SEMA3A: variants seen among roughly 807,000 people sequenced by gnomAD.
SEMA3A encodes semaphorin 3A.
A neutral mutation model predicts 97.9 loss-of-function variants in SEMA3A; 29 were observed. The observed-to-expected ratio is 0.30, with a 90% CI of 0.22 to 0.40. SEMA3A has a LOEUF of 0.40. Among genes scored for constraint, SEMA3A ranks in the 10% least tolerant of loss-of-function variants. SEMA3A has a pLI of 1.00. For synonymous variants in SEMA3A, 321 were observed against 323.7 expected, an observed-to-expected ratio of 0.99 and a Z score of 0.09; for missense variants, 763 against 951.3, an observed-to-expected ratio of 0.80 and a Z score of 2.60.
At chr7:84,208,897 C>G (rs1378526254) in intron 3 of SEMA3A, among the ~76,000 whole-genome samples, 1 of 152,162 alleles carries the variant, frequency 6.6e-6, no homozygotes, top group Non-Finnish European at 1.5e-5. Context: ...ACACTATCAC[C>G]TGAGTCTCAT....
chr7:84,272,200 AAAAC>A (rs1401623098), intron 3 of SEMA3A, among the ~76,000 whole-genome samples: 15 of 152,240 alleles, frequency 9.9e-5, no homozygotes, highest in Admixed American at 7.9e-4. Context: ...AAAAGATTGA[AAAAC>A]AAAGAAAATT....
chr7:84,229,236 C>A (rs567378285), intron 3 of SEMA3A, among the ~76,000 whole-genome samples: 1 of 151,990 alleles, frequency 6.6e-6, no homozygotes, highest in East Asian at 1.9e-4. Flanking sequence ...GATAATAAAA[C>A]CAAATAATTC....
intron 2 of SEMA3A, among the ~76,000 whole-genome samples, chr7:84,353,599 A>G (rs944217958): frequency 2.6e-5 from 4 of 151,734 alleles, no homozygotes; most frequent in African/African-American, 9.7e-5. Context: ...TCAGATGGGT[A>G]AAGCATACTT....
intron 2 of SEMA3A, among the ~76,000 whole-genome samples, chr7:84,340,869 G>T (rs1802150486): frequency 6.6e-6 from 1 of 151,388 alleles, no homozygotes; most frequent in South Asian, 2.1e-4. Flanking sequence ...ATACTCTGAG[G>T]CATTTATTTA....
chr7:84,444,585 G>A (rs1017077878), intron 1 of SEMA3A, among the ~76,000 whole-genome samples: 6 of 143,706 alleles, frequency 4.2e-5, no homozygotes, highest in Admixed American at 2.1e-4. Context: ...TTTTTGAGAC[G>A]GAGTCTGGCT....
At chr7:84,427,792 T>A (rs1804868134) in intron 1 of SEMA3A, among the ~76,000 whole-genome samples, 1 of 151,894 alleles carries the variant, frequency 6.6e-6, no homozygotes, top group Non-Finnish European at 1.5e-5. Flanking sequence ...ATAAACCTGG[T>A]CATTTGTGCT....
At chr7:84,274,833 C>G (rs1362503212) in intron 3 of SEMA3A, among the ~76,000 whole-genome samples, 1 of 151,822 alleles carries the variant, frequency 6.6e-6, no homozygotes, top group Non-Finnish European at 1.5e-5. Flanking sequence ...CCTAGGCAAA[C>G]CTGGACATAA....
intron 2 of SEMA3A, among the ~76,000 whole-genome samples, chr7:84,348,777 GT>G (rs1224001894): frequency 6.6e-6 from 1 of 152,144 alleles, no homozygotes; most frequent in Non-Finnish European, 1.5e-5. Context: ...GAGGTCAGGA[GT>G]TTGAGACCAG....
intron 1 of SEMA3A, among the ~76,000 whole-genome samples, chr7:84,479,561 T>C (rs1288746471): frequency 6.6e-6 from 1 of 152,100 alleles, no homozygotes; most frequent in African/African-American, 2.4e-5. Flanking sequence ...TGGGCAGCTA[T>C]CAAATAAATG....
At chr7:84,096,272 G>A (rs1358002453) in intron 4 of SEMA3A, among the ~76,000 whole-genome samples, 4 of 151,932 alleles carry the variant, frequency 2.6e-5, no homozygotes, top group African/African-American at 7.2e-5. Flanking sequence ...TAACTAATTC[G>A]AGTTTAAATT....
At chr7:84,293,742 C>T (rs1304921034) in intron 3 of SEMA3A, among the ~76,000 whole-genome samples, 2 of 151,880 alleles carry the variant, frequency 1.3e-5, no homozygotes, top group South Asian at 4.2e-4. Flanking sequence ...AATAGGTTTA[C>T]CTAAATTAGT....
At chr7:84,441,629 A>G (rs1805276357) in intron 1 of SEMA3A, among the ~76,000 whole-genome samples, 1 of 152,150 alleles carries the variant, frequency 6.6e-6, no homozygotes, top group Non-Finnish European at 1.5e-5. Flanking sequence ...TCAAGAAAAG[A>G]TGGCAAAAAC....
intron 5 of SEMA3A, among the ~76,000 whole-genome samples, chr7:84,047,271 A>G (rs1388894698): frequency 6.6e-6 from 1 of 152,064 alleles, no homozygotes; most frequent in East Asian, 1.9e-4. Context: ...AAGGGAAAAG[A>G]CAAGAAGGGG....
chr7:84,422,158 TG>T (rs1413308612), intron 1 of SEMA3A, among the ~76,000 whole-genome samples: 1 of 152,090 alleles, frequency 6.6e-6, no homozygotes, highest in Non-Finnish European at 1.5e-5. Context: ...GGCTTTTTTT[TG>T]GTTGGTAGGC....
intron 4 of SEMA3A, among the ~76,000 whole-genome samples, chr7:84,066,323 G>A (rs964880625): frequency 6.6e-6 from 1 of 152,028 alleles, no homozygotes; most frequent in African/African-American, 2.4e-5. Flanking sequence ...CATACTGAAT[G>A]GGCAAAACCT....
intron 1 of SEMA3A, among the ~76,000 whole-genome samples, chr7:84,413,626 A>T (rs1804342778): frequency 6.6e-6 from 1 of 152,060 alleles, no homozygotes; most frequent in African/African-American, 2.4e-5. Context: ...TCAGAGTGAG[A>T]CCCTGTGTCC....
chr7:84,236,172 T>C (rs535033729), intron 3 of SEMA3A, among the ~76,000 whole-genome samples: 1 of 152,216 alleles, frequency 6.6e-6, no homozygotes, highest in South Asian at 2.1e-4. Flanking sequence ...CACTCTCCTT[T>C]GCTTGGGTTA....
At chr7:84,420,685 A>C (rs781732763) in intron 1 of SEMA3A, among the ~76,000 whole-genome samples, 1 of 152,022 alleles carries the variant, frequency 6.6e-6, no homozygotes. Context: ...CATTACAAGC[A>C]TATCATTTAA....
chr7:84,063,375 A>T (rs1235305353), intron 4 of SEMA3A, among the ~76,000 whole-genome samples: 1 of 151,024 alleles, frequency 6.6e-6, no homozygotes, highest in Non-Finnish European at 1.5e-5. Flanking sequence ...TCCTCCTCCA[A>T]AGGAACGCAG....
Sources: allele counts gnomAD v4.1 joint callset (sites outside exome capture counted in the v4.1 genomes callset), GRCh38; gene constraint gnomAD v4.1.1; transcripts MANE v1.5; gene names NCBI Gene and HGNC (gene_info 2026-07-23, HGNC 2026-07-21).